Variants in SNX7 observed in about 807,000 individuals in gnomAD.
SNX7 encodes the protein sorting nexin 7, also known as sorting nexin-7.
A neutral mutation model predicts 48.4 loss-of-function variants in SNX7; 35 were observed. The observed-to-expected ratio is 0.72, with a 90% CI of 0.55 to 0.96. The LOEUF (loss-of-function observed/expected upper bound fraction) is 0.96, where lower values mean the gene tolerates loss of function less well. SNX7 is among the 40% of genes least tolerant of loss of function. SNX7 has a pLI of 0.00. For synonymous variants in SNX7, 190 were observed against 190.2 expected, an observed-to-expected ratio of 1.00 and a Z score of 0.01; for missense variants, 553 against 548.9, an observed-to-expected ratio of 1.01 and a Z score of -0.07.
rs754742614 is a variant in SNX7, at chr1:98,701,109, A to G, written c.1039-708A>G. On this transcript the variant is annotated intron_variant, in intron 6 of 8. Coordinates refer to ENST00000306121, the MANE Select transcript of SNX7 (RefSeq NM_015976.5). ...GAAGAAATGTGAATCACTTAAAGACATTGTAAAAGTTCGGCAAAAATGAAA... is the reference window on the plus strand; with the variant it reads ...GAAGAAATGTGAATCACTTAAAGACGTTGTAAAAGTTCGGCAAAAATGAAA... Among the ~76,000 whole-genome samples, 3 of 152,268 alleles carry G rather than the reference A, an allele frequency of 2.0e-5. No individual in the cohort carries two copies. In the South Asian group the frequency reaches 6.2e-4, roughly 32 times the overall value.
chr1:98,698,996 A>G (rs993796561), intron 6 of SNX7, 91 bp downstream of exon 6: 31 of 1,237,488 alleles, frequency 2.5e-5, no homozygotes, highest in Non-Finnish European at 3.2e-5. Context: ...TAAAACCACT[A>G]TCTTTTTGTC....
chr1:98,694,207 A>G (rs1651307989), intron 4 of SNX7, among the ~76,000 whole-genome samples: 2 of 151,280 alleles, frequency 1.3e-5, no homozygotes, highest in South Asian at 4.2e-4. Context: ...CGTCTCTACT[A>G]AAAATACAAA....
At chr1:98,668,653 T>A (rs1361358240) in intron 1 of SNX7, among the ~76,000 whole-genome samples, 1 of 152,154 alleles carries the variant, frequency 6.6e-6, no homozygotes, top group Non-Finnish European at 1.5e-5. Context: ...GTGAAGAAAG[T>A]CTGGTGAAGA....
At chr1:98,662,577 C>T in intron 1 of SNX7, 1 of 916,654 alleles carries the variant, frequency 1.1e-6, no homozygotes, top group Non-Finnish European at 1.4e-6. Flanking sequence ...CTCTTATTTG[C>T]TTATTTTACT....
At chr1:98,683,815 A>C (rs971026917) in intron 1 of SNX7, among the ~76,000 whole-genome samples, 1 of 152,142 alleles carries the variant, frequency 6.6e-6, no homozygotes, top group Non-Finnish European at 1.5e-5. Flanking sequence ...ACAGGTTTGC[A>C]TGTCTTTTAG....
intron 7 of SNX7, among the ~76,000 whole-genome samples, chr1:98,708,282 G>A (rs935609060): frequency 9.2e-5 from 14 of 152,100 alleles, no homozygotes; most frequent in Non-Finnish European, 1.8e-4. Flanking sequence ...TGTCCAGTGG[G>A]ATGAGAAAAG....
intron 8 of SNX7, among the ~76,000 whole-genome samples, chr1:98,748,767 A>C (rs1222810422): frequency 1.3e-5 from 2 of 151,940 alleles, no homozygotes; most frequent in African/African-American, 4.8e-5. Context: ...ATAAAGTCCT[A>C]ATCATGTCTT....
At chr1:98,751,869 A>G (rs1461326947) in intron 8 of SNX7, among the ~76,000 whole-genome samples, 4 of 152,250 alleles carry the variant, frequency 2.6e-5, no homozygotes, top group Middle Eastern at 6.8e-3. Flanking sequence ...ATGGAAGTGG[A>G]ACTCCTGTTG....
chr1:98,748,949 T>A (rs1170793136), intron 8 of SNX7, among the ~76,000 whole-genome samples: 1 of 152,152 alleles, frequency 6.6e-6, no homozygotes, highest in Non-Finnish European at 1.5e-5. Context: ...CTTAATAATT[T>A]TCTAATAATC....
chr1:98,723,824 G>A (rs1261541724), intron 7 of SNX7, among the ~76,000 whole-genome samples: 1 of 151,840 alleles, frequency 6.6e-6, no homozygotes, highest in East Asian at 1.9e-4. Context: ...TCGCATGACT[G>A]CACTCCAGCC....
chr1:98,738,599 T>C (rs1405798036), intron 8 of SNX7, among the ~76,000 whole-genome samples: 1 of 152,220 alleles, frequency 6.6e-6, no homozygotes, highest in Non-Finnish European at 1.5e-5. Flanking sequence ...AAGCATTTGA[T>C]AATGCTTTCT....
At chr1:98,725,095 C>A (rs1047520327) in intron 7 of SNX7, among the ~76,000 whole-genome samples, 1 of 152,128 alleles carries the variant, frequency 6.6e-6, no homozygotes, top group East Asian at 1.9e-4. Flanking sequence ...CTGAGAGGTA[C>A]CCCCTCATGG....
intron 8 of SNX7, among the ~76,000 whole-genome samples, chr1:98,745,754 A>G (rs1284379104): frequency 6.6e-6 from 1 of 152,098 alleles, no homozygotes; most frequent in Non-Finnish European, 1.5e-5. Flanking sequence ...ACTCACTGGA[A>G]GCCTGAATGC....
At chr1:98,711,658 A>G (rs1259948722) in intron 7 of SNX7, among the ~76,000 whole-genome samples, 1 of 152,188 alleles carries the variant, frequency 6.6e-6, no homozygotes, top group East Asian at 1.9e-4. Context: ...TTGCTGGTAG[A>G]GTGTCTTTCC....
intron 7 of SNX7, among the ~76,000 whole-genome samples, chr1:98,731,228 T>TA (rs1653493927): frequency 1.3e-5 from 2 of 152,194 alleles, no homozygotes; most frequent in African/African-American, 4.8e-5. Context: ...AAAAATTTTT[T>TA]AAAAAGTATA....
At chr1:98,735,226 A>G (rs1653714611) in intron 7 of SNX7, among the ~76,000 whole-genome samples, 3 of 152,140 alleles carry the variant, frequency 2.0e-5, no homozygotes, top group Non-Finnish European at 4.4e-5. Context: ...ACATCTAATT[A>G]TATTATGCTT....
chr1:98,750,331 G>A (rs1208711561), intron 8 of SNX7, among the ~76,000 whole-genome samples: 3 of 151,942 alleles, frequency 2.0e-5, no homozygotes, highest in Admixed American at 6.6e-5. Flanking sequence ...GCTTTGGACA[G>A]GCATGACTTC....
At chr1:98,690,569 T>C (rs55679216) in intron 2 of SNX7, among the ~76,000 whole-genome samples, 2,085 of 152,188 alleles carry the variant, frequency 0.014, 42 homozygotes, top group African/African-American at 0.048. Flanking sequence ...AATTTTCATA[T>C]ACTAAAAGCA....
At chr1:98,694,598 T>TTTTTTTTC (rs1651345865) in intron 4 of SNX7, among the ~76,000 whole-genome samples, 1 of 40,822 alleles carries the variant, frequency 2.4e-5, no homozygotes, top group Non-Finnish European at 4.8e-5. Context: ...GCTCTGGGAT[T>TTTTTTTTC]TTTTTTTTTT....
Sources: gnomAD v4.1 joint callset for allele counts (sites outside exome capture counted in the v4.1 genomes callset) on GRCh38, gnomAD v4.1.1 for gene constraint, MANE v1.5 for transcripts, NCBI Gene and HGNC (gene_info 2026-07-23, HGNC 2026-07-21) for gene names.